PRAG1: variants seen among roughly 807,000 people sequenced by gnomAD.
PRAG1 encodes PEAK1 related, kinase-activating pseudokinase 1.
PRAG1 carries 110 observed loss-of-function variants against 95.6 expected under a neutral mutation model. The observed-to-expected ratio is 1.15, with a 90% CI of 0.99 to 1.35. PRAG1 has a LOEUF of 1.35. Ranked by LOEUF, PRAG1 falls within the 40% of genes most tolerant of loss-of-function variation. The pLI, the probability that PRAG1 is intolerant of heterozygous loss-of-function variation, is 0.00. For missense variants in PRAG1, 2,554 were observed against 1,864.7 expected (o/e 1.37, Z -6.81); for synonymous variants, 1,052 against 819.4 (o/e 1.28, Z -4.85).
rs930459935 is a variant in PRAG1, at chr8:8,328,068, C to G, written c.2714G>C (p.Cys905Ser). 17 of 1,600,254 alleles carry G rather than the reference C, an allele frequency of 1.1e-5. No homozygotes were observed. Among genetic ancestry groups the G allele is most frequent in the Non-Finnish European group, 1.5e-5 (17 of 1,172,208 alleles). Residue 905 changes from cysteine to serine, a missense_variant, in exon 5 of 6, where the codon TGC becomes TCC. By Grantham distance (112) the Cys-to-Ser change is moderately radical. Transcript: ENST00000615670. The part of the protein sequence containing the change: ...AAGLAGNRGG[C>S]GSPGLQCKGA... Reference sequence around the variant, plus strand: ...TTTGCACTGGAGGCCAGGGCTCCCGCAGCCGCCTCTGTTGCCCGCCAGCCC... The same window carrying G: ...TTTGCACTGGAGGCCAGGGCTCCCGGAGCCGCCTCTGTTGCCCGCCAGCCC...
chr8:8,353,192 G>C lies in PRAG1; in HGVS notation c.2163-13557C>G, dbSNP rs192028060. Among the ~76,000 whole-genome samples the C allele has an allele frequency of 1.1e-4, 16 of 152,268 alleles. No individual in the cohort carries two copies. The East Asian group carries it at 3.1e-3, about 29-fold the overall frequency. On this transcript the variant is annotated intron_variant, in intron 3 of 5. Coordinates refer to ENST00000615670, the MANE Select transcript of PRAG1 (RefSeq NM_001080826.3). The stretch of plus-strand genomic sequence containing the variant: ...CAGAAAATTAATAAATACTGAACTG[G>C]AATTAAGCTTTAGACCAAATGGACC...
chr8:8,337,907 C>G (rs1038941690), intron 4 of PRAG1, among the ~76,000 whole-genome samples: 1 of 152,116 alleles, frequency 6.6e-6, no homozygotes, highest in Non-Finnish European at 1.5e-5. Context: ...TCCCATTTCC[C>G]CTTGCCGGTG....
At chr8:8,367,770 T>C (rs1338902322) in intron 3 of PRAG1, among the ~76,000 whole-genome samples, 1 of 151,758 alleles carries the variant, frequency 6.6e-6, no homozygotes, top group Non-Finnish European at 1.5e-5. Flanking sequence ...GCCTCCCGAA[T>C]ACCTGGGATT....
intron 3 of PRAG1, among the ~76,000 whole-genome samples, chr8:8,350,105 A>G (rs940753383): frequency 6.6e-6 from 1 of 152,170 alleles, no homozygotes; most frequent in African/African-American, 2.4e-5. Flanking sequence ...AGATAGAAAC[A>G]TTTTTTTAAA....
rs200601119 is a variant in PRAG1, at chr8:8,327,929, G to C, written c.2853C>G (p.Thr951=). 9.9e-6 allele frequency: 16 copies of C among 1,613,600 alleles called. No homozygotes were observed. The highest frequency in any genetic ancestry group is 3.3e-4 in the Middle Eastern group (2 of 6,062). ...LLSNISSKEG[T]YAKLGGLYTQ... The stretch of plus-strand genomic sequence containing the variant: ...TGTAGAGTCCCCCCAGCTTGGCATA[G>C]GTGCCCTCCTTGCTGCTGATGTTGC... Residue 951 remains threonine (T), a synonymous_variant, in exon 5 of 6, where the codon ACC becomes ACG. Coordinates refer to ENST00000615670, the MANE Select transcript of PRAG1 (RefSeq NM_001080826.3).
intron 3 of PRAG1, among the ~76,000 whole-genome samples, chr8:8,373,866 T>C (rs2116925432): frequency 6.6e-6 from 1 of 152,190 alleles, no homozygotes; most frequent in East Asian, 1.9e-4. Context: ...GGTTTTATCA[T>C]AACAAACTGG....
At chr8:8,341,497 G>C (rs1799162078) in intron 3 of PRAG1, among the ~76,000 whole-genome samples, 1 of 152,124 alleles carries the variant, frequency 6.6e-6, no homozygotes, top group African/African-American at 2.4e-5. Context: ...CACTTTATCA[G>C]GCTAAGGATG....
intron 3 of PRAG1, among the ~76,000 whole-genome samples, chr8:8,371,608 GC>G (rs1800208823): frequency 1.3e-5 from 2 of 152,106 alleles, no homozygotes; most frequent in African/African-American, 2.4e-5. Flanking sequence ...GGTGGCTCAT[GC>G]CTGCAATCCC....
chr8:8,318,871 G>GGGGGCGGGAGCC lies in PRAG1; in HGVS notation c.3503_3504insGGCTCCCGCCCC (p.Pro1172_Ala1175dup), dbSNP rs1554500363. 2 of 403,690 alleles carry GGGGGCGGGAGCC rather than the reference G, an allele frequency of 5.0e-6. No homozygotes were observed. Among genetic ancestry groups the GGGGGCGGGAGCC allele is most frequent in the African/African-American group, 5.6e-5 (1 of 18,004 alleles). The allele number at this position is 403,690 out of a possible 1,614,324, so 25.0% of individuals were successfully genotyped here. The stretch of plus-strand genomic sequence containing the variant: ...CGGCGGCGGGGGCGGGAGCCGGGGC[G>GGGGGCGGGAGCC]GGGGCGGGGGCGGGCCCGGGGCCGG... On this transcript the variant is annotated inframe_insertion, in exon 6 of 6. Transcript: ENST00000615670. The surrounding 1 kb of genome is among the most constrained non-coding windows in gnomAD (Gnocchi z 4.2).
At chr8:8,347,815 A>T (rs996227682) in intron 3 of PRAG1, among the ~76,000 whole-genome samples, 20 of 136,158 alleles carry the variant, frequency 1.5e-4, no homozygotes, top group Non-Finnish European at 2.7e-4. Flanking sequence ...ATCAATTCAC[A>T]TCTTTTTTTT....
At chr8:8,346,540 G>A (rs529939310) in intron 3 of PRAG1, among the ~76,000 whole-genome samples, 1 of 152,242 alleles carries the variant, frequency 6.6e-6, no homozygotes, top group East Asian at 1.9e-4. Context: ...TTGCCAGAGT[G>A]GTCTCCATAC....
intron 3 of PRAG1, among the ~76,000 whole-genome samples, chr8:8,371,762 C>CAGG (rs1800214670): frequency 6.6e-6 from 1 of 152,098 alleles, no homozygotes; most frequent in South Asian, 2.1e-4. Flanking sequence ...CCCAGCTACT[C>CAGG]AGGAGGCTGG....
intron 3 of PRAG1, among the ~76,000 whole-genome samples, chr8:8,348,922 G>C (rs1585245366): frequency 6.6e-6 from 1 of 152,194 alleles, no homozygotes; most frequent in South Asian, 2.1e-4. Context: ...AACAGTTCTT[G>C]ATTAAGTTTA....
chr8:8,365,482 G>A (rs549585855), intron 3 of PRAG1, among the ~76,000 whole-genome samples: 12 of 151,870 alleles, frequency 7.9e-5, no homozygotes, highest in South Asian at 2.1e-4. Context: ...AAATTAGCCC[G>A]GCATGGTGGC....
chr8:8,363,319 A>T (rs2116896869), intron 3 of PRAG1, among the ~76,000 whole-genome samples: 1 of 152,296 alleles, frequency 6.6e-6, no homozygotes, highest in Admixed American at 6.5e-5. Flanking sequence ...GGACACTGGA[A>T]AAAGACCAAA....
At chr8:8,320,114 T>C (rs1000446563) in intron 5 of PRAG1, among the ~76,000 whole-genome samples, 3 of 151,818 alleles carry the variant, frequency 2.0e-5, no homozygotes, top group Non-Finnish European at 4.4e-5. Flanking sequence ...GGTCGGGAGG[T>C]ATTGGTAGGA....
chr8:8,357,943 A>T (rs943767070), intron 3 of PRAG1, among the ~76,000 whole-genome samples: 4 of 152,238 alleles, frequency 2.6e-5, no homozygotes, highest in African/African-American at 9.6e-5. Flanking sequence ...CAAGCAATCA[A>T]TTCTGCAGCA....
chr8:8,357,793 A>G (rs1799727937), intron 3 of PRAG1, among the ~76,000 whole-genome samples: 1 of 152,240 alleles, frequency 6.6e-6, no homozygotes, highest in African/African-American at 2.4e-5. Flanking sequence ...CAACTTAAGT[A>G]TCCATTAACA....
intron 4 of PRAG1, 22 bp from the exon 5 acceptor site, chr8:8,328,483 C>A: frequency 6.2e-7 from 1 of 1,611,584 alleles, no homozygotes; most frequent in Non-Finnish European, 8.5e-7. Context: ...AGACAGAAAC[C>A]ATAAGACCAA....
Sources: allele counts gnomAD v4.1 joint callset (sites outside exome capture counted in the v4.1 genomes callset), GRCh38; gene constraint gnomAD v4.1.1; non-coding constraint Gnocchi (gnomAD v3.1); transcripts MANE v1.5; gene names NCBI Gene and HGNC (gene_info 2026-07-23, HGNC 2026-07-21).